NF1: variants seen among roughly 807,000 people sequenced by gnomAD.
NF1 encodes neurofibromin.
NF1 carries 122 observed loss-of-function variants against 325.7 expected under a neutral mutation model. The observed-to-expected ratio is 0.37, with a 90% confidence interval of 0.32 to 0.44. The LOEUF is 0.44. Among genes scored for constraint, NF1 ranks in the 20% least tolerant of loss-of-function variants. The pLI is 1.00. For synonymous variants in NF1, 1,091 were observed against 1,186.0 expected (o/e 0.92, Z 1.65); for missense variants, 2,140 against 3,415.4 (o/e 0.63, Z 9.31).
At chr17:31,277,588 G>T (rs1341118585) in intron 36 of NF1, among the ~76,000 whole-genome samples, 2 of 152,048 alleles carry the variant, frequency 1.3e-5, no homozygotes, top group Non-Finnish European at 2.9e-5. Context: ...TGTGTAGAGG[G>T]TATCATTGGG....
chr17:31,139,540 G>A (rs2143521120), intron 1 of NF1, among the ~76,000 whole-genome samples: 1 of 152,152 alleles, frequency 6.6e-6, no homozygotes, highest in African/African-American at 2.4e-5. Context: ...GGAAAAAAAT[G>A]CAGATCTACT....
intron 29 of NF1, 118 bp downstream of exon 29, chr17:31,236,139 T>A: frequency 1.4e-6 from 1 of 737,848 alleles, no homozygotes; most frequent in Non-Finnish European, 2.3e-6. Flanking sequence ...AATTAGTTTT[T>A]AATTATAAAA....
intron 20 of NF1, among the ~76,000 whole-genome samples, chr17:31,227,828 T>G (rs1455504020): frequency 6.6e-6 from 1 of 152,232 alleles, no homozygotes; most frequent in African/African-American, 2.4e-5. Context: ...TAAATAAAAT[T>G]TAGTTCCTCA....
At chr17:31,160,121 T>C (rs1380647963) in intron 3 of NF1, among the ~76,000 whole-genome samples, 1 of 152,210 alleles carries the variant, frequency 6.6e-6, no homozygotes, top group Non-Finnish European at 1.5e-5. Context: ...AGTCTCACTC[T>C]GCGGCACAGG....
At position 31,282,109 on chromosome 17, in the gene NF1, G is replaced by A. The variant is rs1036784278; in HGVS notation, c.4835+16770G>A. On this transcript the variant is annotated intron_variant, in intron 36 of 57. Transcript: ENST00000358273. ...TTAAGTATACAATTTTGGGCCGGGC[G>A]TGGTGGTTCACGCCTGTAATCCCAG... 2.0e-5 allele frequency among the ~76,000 whole-genome samples: 3 copies of A among 151,704 alleles called. No individual in the cohort carries two copies. The South Asian group carries it at 6.2e-4, about 31-fold the overall frequency.
intron 1 of NF1, among the ~76,000 whole-genome samples, chr17:31,141,055 A>C (rs1916175124): frequency 6.6e-6 from 1 of 152,148 alleles, no homozygotes. Flanking sequence ...ATAAAACAAA[A>C]CTGTATTAAG....
chr17:31,201,308 T>G (rs1403044410), intron 10 of NF1, 103 bp from the exon 11 acceptor site: 11 of 1,309,740 alleles, frequency 8.4e-6, no homozygotes, highest in Non-Finnish European at 9.6e-6. Context: ...AAACTTAGTG[T>G]TTTTTTTTTA....
intron 1 of NF1, among the ~76,000 whole-genome samples, chr17:31,117,662 A>G (rs1914057366): frequency 7.3e-6 from 1 of 136,558 alleles, no homozygotes; most frequent in African/African-American, 2.7e-5. Context: ...GACAGAGCAA[A>G]ACTCCATCTC....
chr17:31,304,551 G>A, intron 36 of NF1: 1 of 1,614,164 alleles, frequency 6.2e-7, no homozygotes, highest in Non-Finnish European at 8.5e-7. Context: ...TGTCAGATTG[G>A]TTACTTTCCT....
intron 1 of NF1, among the ~76,000 whole-genome samples, chr17:31,101,974 C>T (rs1184707860): frequency 1.3e-5 from 2 of 152,154 alleles, no homozygotes; most frequent in East Asian, 1.9e-4. Context: ...ACACACAGAA[C>T]ATTGATGGAA....
intron 48 of NF1, 43 bp from the exon 49 acceptor site, chr17:31,349,073 AAATT>A: frequency 6.5e-7 from 1 of 1,547,218 alleles, no homozygotes; most frequent in Non-Finnish European, 8.7e-7. Context: ...CTTGTTCAAA[AAATT>A]AATTCTTACT....
chr17:31,147,885 T>G (rs1232998763), intron 1 of NF1, among the ~76,000 whole-genome samples: 1 of 152,252 alleles, frequency 6.6e-6, no homozygotes, highest in Non-Finnish European at 1.5e-5. Flanking sequence ...ACGTCTTCAG[T>G]TTTGCCAATC....
chr17:31,208,516 T>A (rs540862418), intron 12 of NF1, among the ~76,000 whole-genome samples: 1 of 152,236 alleles, frequency 6.6e-6, no homozygotes, highest in East Asian at 1.9e-4. Flanking sequence ...CAGGGAAGCA[T>A]GGTGAACTAA....
chr17:31,132,553 G>T (rs1376443251), intron 1 of NF1, among the ~76,000 whole-genome samples: 2 of 151,918 alleles, frequency 1.3e-5, no homozygotes, highest in African/African-American at 4.8e-5. Context: ...AAAATAAAAA[G>T]ACTCATTTCT....
chr17:31,280,380 G>A (rs2068093606), intron 36 of NF1, among the ~76,000 whole-genome samples: 1 of 151,496 alleles, frequency 6.6e-6, no homozygotes, highest in Non-Finnish European at 1.5e-5. Context: ...GTGGTGGTGT[G>A]TGGGTATGTG....
chr17:31,337,005 C>T (rs1421551920), intron 42 of NF1, 91 bp downstream of exon 42: 1 of 1,377,282 alleles, frequency 7.3e-7, no homozygotes, highest in African/African-American at 1.4e-5. Context: ...TATGTTTGTG[C>T]TCTAACACCA....
intron 4 of NF1, among the ~76,000 whole-genome samples, chr17:31,167,859 T>G (rs2065870599): frequency 6.6e-6 from 1 of 152,190 alleles, no homozygotes. Flanking sequence ...AAGCTGGGGT[T>G]TAAACAGATA....
intron 46 of NF1, among the ~76,000 whole-genome samples, chr17:31,339,289 C>T (rs1331404631): frequency 6.6e-6 from 1 of 151,960 alleles, no homozygotes. Flanking sequence ...TATACTTGAT[C>T]GTCATAAGAG....
chr17:31,252,120 C>CTTT (rs1193012915), intron 30 of NF1: 24 of 142,230 alleles, frequency 1.7e-4, no homozygotes, highest in Admixed American at 2.5e-4. Flanking sequence ...TTTTAGGTGG[C>CTTT]TTTTTTTTTT....
Sources: gnomAD v4.1 joint callset for allele counts (sites outside exome capture counted in the v4.1 genomes callset) on GRCh38, gnomAD v4.1.1 for gene constraint, MANE v1.5 for transcripts, NCBI Gene and HGNC (gene_info 2026-07-23, HGNC 2026-07-21) for gene names.